The following SPG7 variants were observed in gnomAD, a reference collection of about 807,000 sequenced individuals.
SPG7 encodes the protein SPG7 matrix AAA peptidase subunit, paraplegin.
SPG7 carries 103 observed loss-of-function variants against 81.9 expected under a neutral mutation model. The ratio of observed to expected loss-of-function variants is 1.26; its 90% CI spans 1.07 to 1.48. The LOEUF (loss-of-function observed/expected upper bound fraction) is 1.48. Ranked by LOEUF, SPG7 falls within the 40% of genes most tolerant of loss-of-function variation. The pLI is 0.00. For synonymous variants in SPG7, 534 were observed against 444.2 expected (o/e 1.20, Z -2.54); for missense variants, 1,241 against 1,087.3 (o/e 1.14, Z -1.99).
At position 89,532,515 on chromosome 16, in the gene SPG7, C is replaced by A; in HGVS notation, c.1203C>A (p.Ala401=). ...TCTTTAAGGAAGCCCGAGCCCGGGCCCCCTGCATCGTCTACATCGATGAGA... is the reference window on the plus strand; with the variant it reads ...TCTTTAAGGAAGCCCGAGCCCGGGCACCCTGCATCGTCTACATCGATGAGA... The part of the protein sequence containing the change: ...RSLFKEARAR[A]PCIVYIDEID... The change falls in exon 9 of 17, where the codon GCC becomes GCA. Residue 401 remains alanine (A), a synonymous_variant. Coordinates refer to ENST00000645818, the MANE Select transcript of SPG7 (RefSeq NM_003119.4). 6.2e-7 allele frequency: 1 copy of A among 1,613,716 alleles called. No homozygotes were observed.
At chr16:89,544,905 G>A in intron 10 of SPG7, 133 bp downstream of exon 10, 1 of 1,147,852 alleles carries the variant, frequency 8.7e-7, no homozygotes, top group Non-Finnish European at 1.3e-6. Context: ...GCAGTGTCCA[G>A]CGTGGCCCCC....
chr16:89,508,430 C>A lies in SPG7; in HGVS notation c.13C>A (p.Leu5Met). The A allele has an allele frequency of 6.7e-7, 1 of 1,492,732 alleles. No homozygotes were observed. 92.5% of individuals were successfully genotyped at this position (1,492,732 alleles called of 1,614,324 possible). The change falls in exon 1 of 17, where the codon CTG becomes ATG. Residue 5 changes from leucine to methionine, a missense_variant. Physicochemically the swap from Leu to Met is conservative, Grantham distance 15. Coordinates refer to ENST00000645818, the MANE Select transcript of SPG7 (RefSeq NM_003119.4). Reference protein sequence around the residue: MAVLLLLLRALRRGP... With the variant: MAVLMLLLRALRRGP... ...CTTTCAGGCCAACATGGCCGTGCTGCTGCTGCTGCTCCGTGCCCTCCGCCG... is the reference window on the plus strand; with the variant it reads ...CTTTCAGGCCAACATGGCCGTGCTGATGCTGCTGCTCCGTGCCCTCCGCCG...
intron 9 of SPG7, among the ~76,000 whole-genome samples, chr16:89,542,739 G>C (rs986230030): frequency 1.3e-5 from 2 of 152,072 alleles, no homozygotes; most frequent in African/African-American, 4.8e-5. Flanking sequence ...CCTGTCCTAA[G>C]AACATGGGGT....
At chr16:89,544,973 C>A in intron 10 of SPG7, 1 of 648,668 alleles carries the variant, frequency 1.5e-6, no homozygotes, top group South Asian at 1.7e-5. Flanking sequence ...TGCTGTGGCC[C>A]CCACATTGGC....
chr16:89,548,889 G>C (rs1402116336), intron 12 of SPG7: 3 of 450,516 alleles, frequency 6.7e-6, no homozygotes, highest in Non-Finnish European at 1.3e-5. Context: ...TGTTTGAGGA[G>C]CACGAGCCTC....
At chr16:89,533,121 G>A (rs1014514728) in intron 9 of SPG7, 1 of 176,678 alleles carries the variant, frequency 5.7e-6, no homozygotes. Context: ...AAAAGGTCAA[G>A]ACAATAGTAA....
Position 89,510,468 on chromosome 16 carries a change from ATTGT to A in SPG7, c.184-19_184-16del, listed in dbSNP as rs749214671. 3.9e-6 allele frequency: 5 copies of A among 1,280,210 alleles called. No individual in the cohort carries two copies. Among genetic ancestry groups the A allele is most frequent in the Admixed American group, 1.8e-5 (1 of 54,914 alleles). 79.3% of individuals were successfully genotyped at this position (1,280,210 alleles called of 1,614,324 possible). ...CTCTAATGTTGGTGTGACCTCCAGTATTGTTTTTTTTTTTTTTTCAGAGCTTACA... is the reference window on the plus strand; with the variant it reads ...CTCTAATGTTGGTGTGACCTCCAGTATTTTTTTTTTTTTTCAGAGCTTACA... On this transcript the variant is annotated intron_variant, in intron 1 of 16. Coordinates refer to ENST00000645818, the MANE Select transcript of SPG7 (RefSeq NM_003119.4).
At chr16:89,524,646 G>T (rs1376876236) in intron 4 of SPG7, among the ~76,000 whole-genome samples, 1 of 152,002 alleles carries the variant, frequency 6.6e-6, no homozygotes, top group Admixed American at 6.6e-5. Flanking sequence ...GTTTCTCCAT[G>T]TTGGGCAAGG....
intron 12 of SPG7, chr16:89,548,583 C>A (rs566553680): frequency 3.4e-6 from 1 of 295,424 alleles, no homozygotes; most frequent in East Asian, 9.6e-5. Context: ...ATCTGCAGCA[C>A]CACCTCTGGT....
At chr16:89,527,020 C>G in intron 5 of SPG7, 1 of 242,810 alleles carries the variant, frequency 4.1e-6, no homozygotes, top group Non-Finnish European at 8.3e-6. Flanking sequence ...ATGCCGAAAT[C>G]TTTGTGTGTA....
chr16:89,510,753 C>T (rs2058009545), intron 2 of SPG7, among the ~76,000 whole-genome samples, 161 bp downstream of exon 2: 1 of 152,172 alleles, frequency 6.6e-6, no homozygotes. Context: ...CAGCCTAGAA[C>T]TCCTGGGCTC....
rs1028665747 is a variant in SPG7 at position 89,553,125 on chromosome 16, G to C, written c.1926G>C (p.Glu642Asp). The C allele has an allele frequency of 1.9e-6, 3 of 1,607,856 alleles. No homozygotes were observed. Among genetic ancestry groups the C allele is most frequent in the Non-Finnish European group, 2.5e-6 (3 of 1,177,228 alleles). ...CCTCGGAAGCACTGTCCTTCAACGA[G>C]GTCACTTCTGGTGAGGAGCAGCGGC... ...GRASEALSFN[E>D]VTSGAQDDLR... The change falls in exon 14 of 17, where the codon GAG becomes GAC. Residue 642 changes from glutamate to aspartate, a missense_variant. Physicochemically the swap from Glu to Asp is conservative, Grantham distance 45. Transcript: ENST00000645818.
Position 89,537,329 on chromosome 16 carries a change from G to A in SPG7, c.1324+4693G>A, listed in dbSNP as rs934276844. ...GTCAAAGAGCACTGGAGGCACCGCCGGCGATGGACGTCCAGGTCCCGGCTC... is the reference window on the plus strand; with the variant it reads ...GTCAAAGAGCACTGGAGGCACCGCCAGCGATGGACGTCCAGGTCCCGGCTC... On this transcript the variant is annotated intron_variant, in intron 9 of 16. Transcript: ENST00000645818. The A allele has an allele frequency of 3.9e-5, 47 of 1,197,698 alleles. No individual in the cohort carries two copies. The African/African-American group carries it at 5.4e-4, about 14-fold the overall frequency. The allele number at this position is 1,197,698 out of a possible 1,614,324, so 74.2% of individuals were successfully genotyped here.
At chr16:89,508,840 T>C (rs1567892019) in intron 1 of SPG7, 3 of 676,188 alleles carry the variant, frequency 4.4e-6, no homozygotes, top group Non-Finnish European at 8.1e-6. Context: ...GCGTGGACTT[T>C]CCCAACCCGT....
intron 9 of SPG7, chr16:89,541,453 G>T: frequency 1.9e-6 from 1 of 523,238 alleles, no homozygotes; most frequent in South Asian, 8.3e-5. Context: ...GCAGTTAGGG[G>T]AGGTCTCCAG....
chr16:89,509,786 C>CTTTTT (rs34140158), intron 1 of SPG7, among the ~76,000 whole-genome samples: 11 of 95,118 alleles, frequency 1.2e-4, no homozygotes, highest in African/African-American at 1.6e-4. Flanking sequence ...TTGTTTTCTT[C>CTTTTT]TTTTTTTTTT....
intron 3 of SPG7, chr16:89,514,334 T>C (rs1284722289): frequency 7.2e-6 from 1 of 138,970 alleles, no homozygotes; most frequent in African/African-American, 2.7e-5. Context: ...TTTTTTTTTT[T>C]TTTTTTGCCA....
chr16:89,549,482 G>C, intron 12 of SPG7: 1 of 347,662 alleles, frequency 2.9e-6, no homozygotes, highest in South Asian at 2.2e-5. Flanking sequence ...AATACAGCAA[G>C]ACCCCATCTC....
At chr16:89,530,517 T>C in intron 6 of SPG7, 166 bp from the exon 7 acceptor site, 1 of 787,294 alleles carries the variant, frequency 1.3e-6, no homozygotes, top group Non-Finnish European at 2.3e-6. Context: ...CCTTCTGTGC[T>C]TGAAGACTGA....
Sources: gnomAD v4.1 joint callset for allele counts (sites outside exome capture counted in the v4.1 genomes callset) on GRCh38, gnomAD v4.1.1 for gene constraint, MANE v1.5 for transcripts, NCBI Gene and HGNC (gene_info 2026-07-23, HGNC 2026-07-21) for gene names.